FGD4: variants seen among roughly 807,000 people sequenced by gnomAD.
FGD4 encodes FYVE, RhoGEF and PH domain-containing protein 4.
In FGD4, 42 loss-of-function variants were observed where a neutral mutation model predicts 102.0. The observed-to-expected ratio is 0.41, with a 90% confidence interval of 0.32 to 0.53. The LOEUF (loss-of-function observed/expected upper bound fraction) is 0.53, where lower values mean the gene tolerates loss of function less well. FGD4 is among the 20% of genes least tolerant of loss of function. The probability of loss-of-function intolerance (pLI) is 0.21; values close to 1 mark genes in which losing one functional copy is unlikely to be tolerated. For missense variants in FGD4, 902 were observed against 1,078.2 expected, an observed-to-expected ratio of 0.84 and a Z score of 2.29; for synonymous variants, 380 against 375.7, an observed-to-expected ratio of 1.01 and a Z score of -0.13.
rs117407868 is a variant in FGD4, at chr12:32,583,170, C to G, written c.1011+703C>G. Reference sequence around the variant, plus strand: ...TGGGCAACATGGTGAGAGCCCATATCTACAAAAATTTTAAAACTTAGCAGA... The same window carrying G: ...TGGGCAACATGGTGAGAGCCCATATGTACAAAAATTTTAAAACTTAGCAGA... On this transcript the variant is annotated intron_variant, in intron 4 of 16. Transcript: ENST00000534526. 4.7e-4 allele frequency among the ~76,000 whole-genome samples: 72 copies of G among 152,162 alleles called. 1 individual carries two copies. In the East Asian group the frequency reaches 0.014, roughly 29 times the overall value.
intron 1 of FGD4, among the ~76,000 whole-genome samples, chr12:32,440,883 C>G (rs574540181): frequency 4.4e-4 from 67 of 152,306 alleles, no homozygotes; most frequent in African/African-American, 1.6e-3. Flanking sequence ...TCCTACTCTT[C>G]CCTCCCTTTT....
At chr12:32,480,100 C>T (rs1168080649) in intron 1 of FGD4, among the ~76,000 whole-genome samples, 1 of 151,018 alleles carries the variant, frequency 6.6e-6, no homozygotes, top group Non-Finnish European at 1.5e-5. Flanking sequence ...CCTGTAAAGT[C>T]TGTTTTTCAG....
intron 1 of FGD4, among the ~76,000 whole-genome samples, chr12:32,441,733 A>C (rs561510308): frequency 6.6e-6 from 1 of 152,190 alleles, no homozygotes; most frequent in Admixed American, 6.5e-5. Flanking sequence ...GGACTCACCT[A>C]GAAGTTGCAG....
At chr12:32,422,661 T>C (rs1941682568) in intron 1 of FGD4, among the ~76,000 whole-genome samples, 1 of 152,116 alleles carries the variant, frequency 6.6e-6, no homozygotes, top group Non-Finnish European at 1.5e-5. Flanking sequence ...TTACTGCCTC[T>C]AGATAATAGT....
chr12:32,399,732 G>A lies in FGD4; in HGVS notation c.-62G>A. The A allele has an allele frequency of 6.6e-7, 1 of 1,511,782 alleles. No homozygotes were observed. The highest frequency in any genetic ancestry group is 1.4e-5 in the African/African-American group (1 of 69,762). 93.6% of individuals were successfully genotyped at this position (1,511,782 alleles called of 1,614,324 possible). On this transcript the variant is annotated 5_prime_UTR_variant, in exon 1 of 17. Transcript: ENST00000534526. ...CTGGGCATGCAGGCGACGCCCCCCA[G>A]GGGCCGCTCGCGGCTGGACGGGAGC...
At chr12:32,638,539 T>C in intron 15 of FGD4, 116 bp from the exon 16 acceptor site, 1 of 1,369,200 alleles carries the variant, frequency 7.3e-7, no homozygotes, top group South Asian at 1.2e-5. Context: ...TAATTGCAAA[T>C]GAATCTTTTT....
At chr12:32,508,249 A>G (rs764509655) in intron 1 of FGD4, among the ~76,000 whole-genome samples, 1 of 152,198 alleles carries the variant, frequency 6.6e-6, no homozygotes, top group Non-Finnish European at 1.5e-5. Context: ...AAGTGGAGAT[A>G]TTGCCTTGCA....
At chr12:32,429,098 G>A (rs900636187) in intron 1 of FGD4, among the ~76,000 whole-genome samples, 1 of 152,142 alleles carries the variant, frequency 6.6e-6, no homozygotes, top group African/African-American at 2.4e-5. Flanking sequence ...CTTCAGAGAA[G>A]AGGTGTTCTG....
rs1199004552 is a variant in FGD4, at chr12:32,645,323, A to G, written c.*4790A>G. On this transcript the variant is annotated 3_prime_UTR_variant, in exon 17 of 17. Coordinates refer to ENST00000534526, the MANE Select transcript of FGD4 (RefSeq NM_001370298.3). ...TTTTTTTTAACCAAACTAGCATTTC[A>G]TTTTGTGAGTGACAATTGACATTTT... is the stretch of plus-strand genomic sequence containing the variant. The G allele has an allele frequency of 6.6e-6, 1 of 151,530 alleles. No individual in the cohort carries two copies. Among genetic ancestry groups the G allele is most frequent in the East Asian group, 1.9e-4 (1 of 5,168 alleles). 9.4% of individuals were successfully genotyped at this position (151,530 alleles called of 1,614,324 possible).
intron 1 of FGD4, among the ~76,000 whole-genome samples, chr12:32,518,379 G>A (rs1457412338): frequency 6.6e-6 from 1 of 152,184 alleles, no homozygotes; most frequent in African/African-American, 2.4e-5. Context: ...TTGGGAGGCT[G>A]AGGCAGGACA....
intron 2 of FGD4, among the ~76,000 whole-genome samples, chr12:32,565,963 C>G (rs1172711401): frequency 2.0e-5 from 3 of 152,218 alleles, no homozygotes; most frequent in Non-Finnish European, 4.4e-5. Flanking sequence ...CCTCACCTTT[C>G]ACCCTGCCCT....
intron 11 of FGD4, among the ~76,000 whole-genome samples, chr12:32,620,924 A>C (rs1431277423): frequency 6.6e-6 from 1 of 151,560 alleles, no homozygotes; most frequent in Non-Finnish European, 1.5e-5. Context: ...CAGCCTCTCA[A>C]AGTGCTGGGA....
chr12:32,452,859 C>T (rs1479554508), intron 1 of FGD4, among the ~76,000 whole-genome samples: 1 of 151,930 alleles, frequency 6.6e-6, no homozygotes, highest in Admixed American at 6.6e-5. Context: ...CATGGTGGTG[C>T]ATGCCTCTAG....
chr12:32,508,676 G>C lies in FGD4; in HGVS notation c.167-55461G>C. Among the ~76,000 whole-genome samples the C allele has an allele frequency of 1.3e-5, 2 of 152,224 alleles. 1 individual carries two copies. The highest frequency in any genetic ancestry group is 2.9e-5 in the Non-Finnish European group (2 of 68,040). Reference sequence around the variant, plus strand: ...TTGCTGCTTCTTGAGTTGAGCATGAGATATAATAATTACTTTGCTTGCATT... The same window carrying C: ...TTGCTGCTTCTTGAGTTGAGCATGACATATAATAATTACTTTGCTTGCATT... On this transcript the variant is annotated intron_variant, in intron 1 of 16. Coordinates refer to ENST00000534526, the MANE Select transcript of FGD4 (RefSeq NM_001370298.3).
intron 1 of FGD4, among the ~76,000 whole-genome samples, chr12:32,446,090 C>A (rs538722435): frequency 8.7e-4 from 133 of 152,252 alleles, no homozygotes; most frequent in African/African-American, 3.1e-3. Flanking sequence ...AAGGTCAGGG[C>A]TGTAGTGAGC....
chr12:32,630,282 C>T (rs1950422167), intron 14 of FGD4, among the ~76,000 whole-genome samples: 1 of 152,154 alleles, frequency 6.6e-6, no homozygotes, highest in Non-Finnish European at 1.5e-5. Flanking sequence ...GAGTATCTAC[C>T]TAGACTGTCA....
chr12:32,536,646 G>A (rs7967302), intron 1 of FGD4, among the ~76,000 whole-genome samples: 18,781 of 152,098 alleles, frequency 0.12, 1,691 homozygotes, highest in African/African-American at 0.25. Flanking sequence ...ATTCCCTGGC[G>A]AATTGACACA....
intron 1 of FGD4, among the ~76,000 whole-genome samples, chr12:32,488,475 A>AT (rs955466461): frequency 4.3e-4 from 63 of 147,894 alleles, no homozygotes; most frequent in East Asian, 1.2e-3. Flanking sequence ...AACTTGTGGG[A>AT]TTTTTTTTTT....
chr12:32,560,690 CT>C (rs1259698373), intron 1 of FGD4, among the ~76,000 whole-genome samples: 3 of 151,334 alleles, frequency 2.0e-5, no homozygotes, highest in East Asian at 1.9e-4. Context: ...CCACCCCTGC[CT>C]TTTTTTTTCT....
Sources: gnomAD v4.1 joint callset for allele counts (sites outside exome capture counted in the v4.1 genomes callset) on GRCh38, gnomAD v4.1.1 for gene constraint, MANE v1.5 for transcripts, NCBI Gene and HGNC (gene_info 2026-07-23, HGNC 2026-07-21) for gene names.